Variants in DIAPH3 observed in about 807,000 individuals in gnomAD.
DIAPH3 encodes the protein diaphanous related formin 3.
Under a neutral mutation model 144.3 loss-of-function variants are expected in DIAPH3, and 117 were observed. The observed-to-expected ratio is 0.81, with a 90% confidence interval of 0.70 to 0.95. The LOEUF is 0.95. Among genes scored for constraint, DIAPH3 ranks in the 40% least tolerant of loss-of-function variants. The probability of loss-of-function intolerance (pLI) is 0.00; values close to 1 mark genes in which losing one functional copy is unlikely to be tolerated. For missense variants in DIAPH3, 1,421 were observed against 1,412.7 expected (o/e 1.01, Z -0.09); for synonymous variants, 519 against 488.9 (o/e 1.06, Z -0.81).
At chr13:59,675,260 G>A (rs1275088768) in intron 27 of DIAPH3, among the ~76,000 whole-genome samples, 1 of 152,016 alleles carries the variant, frequency 6.6e-6, no homozygotes, top group Non-Finnish European at 1.5e-5. Context: ...TCGAGACGGG[G>A]TCTTGCTATG....
intron 20 of DIAPH3, among the ~76,000 whole-genome samples, chr13:59,896,070 G>A (rs778515790): frequency 3.3e-5 from 5 of 152,148 alleles, no homozygotes; most frequent in African/African-American, 9.7e-5. Context: ...ACAACACAGT[G>A]TGGTGGAAAC....
chr13:59,740,309 A>G lies in DIAPH3; in HGVS notation c.3319+33880T>C, dbSNP rs2036384933. ...TTCCAATTCACCTCTACCATATTAT[A>G]CCTATGAGACTGTACACTAATGATT... On this transcript the variant is annotated intron_variant, in intron 27 of 27. Transcript: ENST00000400324. 2.0e-5 allele frequency among the ~76,000 whole-genome samples: 3 copies of G among 152,200 alleles called. No individual in the cohort carries two copies. In the South Asian group the frequency reaches 6.2e-4, roughly 31 times the overall value.
intron 1 of DIAPH3, among the ~76,000 whole-genome samples, chr13:60,145,995 T>C (rs1951497505): frequency 6.6e-6 from 1 of 152,142 alleles, no homozygotes; most frequent in Admixed American, 6.5e-5. Flanking sequence ...AAGTTTGAAC[T>C]TATTCTAAAT....
intron 25 of DIAPH3, among the ~76,000 whole-genome samples, chr13:59,779,806 G>A (rs983474610): frequency 3.3e-5 from 5 of 152,044 alleles, no homozygotes; most frequent in South Asian, 2.1e-4. Context: ...GAGTCACCGC[G>A]CACGGCCGAG....
intron 27 of DIAPH3, among the ~76,000 whole-genome samples, chr13:59,673,326 A>G (rs1292545690): frequency 6.6e-6 from 1 of 152,170 alleles, no homozygotes; most frequent in Non-Finnish European, 1.5e-5. Context: ...GCTCCTTACA[A>G]TATTACCCAA....
At chr13:60,044,523 T>C (rs1406747117) in intron 4 of DIAPH3, among the ~76,000 whole-genome samples, 2 of 152,308 alleles carry the variant, frequency 1.3e-5, no homozygotes, top group East Asian at 3.9e-4. Flanking sequence ...ATATTCAACT[T>C]GTACCAACAG....
chr13:59,712,741 TTAA>T (rs1359636246), intron 27 of DIAPH3, among the ~76,000 whole-genome samples: 1 of 152,212 alleles, frequency 6.6e-6, no homozygotes, highest in Non-Finnish European at 1.5e-5. Context: ...CTTGTTCACT[TTAA>T]TAAGTCTTCC....
At chr13:59,811,736 C>CAA (rs59712985) in intron 24 of DIAPH3, among the ~76,000 whole-genome samples, 176 of 56,262 alleles carry the variant, frequency 3.1e-3, no homozygotes, top group South Asian at 0.019. Flanking sequence ...GACTCTGTCT[C>CAA]AAAAAAAAAA....
intron 25 of DIAPH3, among the ~76,000 whole-genome samples, chr13:59,796,348 T>A (rs2039603088): frequency 6.6e-6 from 1 of 152,238 alleles, no homozygotes. Flanking sequence ...ACATTAAGGA[T>A]GCACCATAAC....
At chr13:59,926,592 G>A (rs2047765327) in intron 17 of DIAPH3, among the ~76,000 whole-genome samples, 1 of 151,878 alleles carries the variant, frequency 6.6e-6, no homozygotes. Context: ...TTGTCTAACT[G>A]GACATTAGAG....
chr13:60,116,349 C>T (rs7986182), intron 2 of DIAPH3, among the ~76,000 whole-genome samples: 5,568 of 152,086 alleles, frequency 0.037, 134 homozygotes, highest in East Asian at 0.074. Context: ...AACTCAGAAA[C>T]ATAAAACTGT....
At chr13:59,775,400 G>A (rs1175224123) in intron 25 of DIAPH3, among the ~76,000 whole-genome samples, 1 of 151,884 alleles carries the variant, frequency 6.6e-6, no homozygotes, top group Non-Finnish European at 1.5e-5. Flanking sequence ...CTGCCACCAC[G>A]CCCGGCTAAT....
At chr13:59,957,810 T>C (rs1002047013) in intron 17 of DIAPH3, among the ~76,000 whole-genome samples, 1 of 152,198 alleles carries the variant, frequency 6.6e-6, no homozygotes, top group Non-Finnish European at 1.5e-5. Context: ...TAAAGACTAA[T>C]ACCCCTCATT....
chr13:59,866,561 T>C (rs985170240), intron 21 of DIAPH3, among the ~76,000 whole-genome samples: 4 of 152,116 alleles, frequency 2.6e-5, no homozygotes, highest in African/African-American at 9.7e-5. Flanking sequence ...AGGTCATTTC[T>C]AGTTCTAAGA....
intron 4 of DIAPH3, among the ~76,000 whole-genome samples, chr13:60,070,763 C>A (rs910058351): frequency 6.6e-6 from 1 of 152,114 alleles, no homozygotes. Flanking sequence ...TGATACACTG[C>A]GGCTTTATGT....
chr13:59,941,205 T>A (rs17667960), intron 17 of DIAPH3, among the ~76,000 whole-genome samples: 36,365 of 152,012 alleles, frequency 0.24, 5,369 homozygotes, highest in Admixed American at 0.37. Context: ...CACAAAACAT[T>A]CCTTTAACTA....
intron 17 of DIAPH3, among the ~76,000 whole-genome samples, chr13:59,956,919 T>A (rs1210769882): frequency 6.6e-6 from 1 of 152,208 alleles, no homozygotes; most frequent in Non-Finnish European, 1.5e-5. Context: ...ACTGCCCAGC[T>A]GGATTTCAGA....
At position 59,763,294 on chromosome 13, in the gene DIAPH3, A is replaced by ATG. The variant is rs952328777; in HGVS notation, c.3319+10893_3319+10894dup. ...CACATATATACATATATTCACATAT[A>ATG]TGTATATACATGTGTATATATGTAT... On this transcript the variant is annotated intron_variant, in intron 27 of 27. Transcript: ENST00000400324. Among the ~76,000 whole-genome samples, 12 of 127,718 alleles carry ATG rather than the reference A, an allele frequency of 9.4e-5. No individual in the cohort carries two copies. In the East Asian group the frequency reaches 2.4e-3, roughly 26 times the overall value. The allele number at this position is 127,718 out of a possible 152,430, so 83.8% of individuals were successfully genotyped here.
At chr13:59,872,670 G>A (rs1038704872) in intron 21 of DIAPH3, among the ~76,000 whole-genome samples, 1 of 152,198 alleles carries the variant, frequency 6.6e-6, no homozygotes, top group East Asian at 1.9e-4. Context: ...GGAATGGAGT[G>A]TCTTGTTTCT....
Sources: gnomAD v4.1 joint callset for allele counts (sites outside exome capture counted in the v4.1 genomes callset) on GRCh38, gnomAD v4.1.1 for gene constraint, MANE v1.5 for transcripts, NCBI Gene and HGNC (gene_info 2026-07-23, HGNC 2026-07-21) for gene names.